Variants in ST8SIA4 observed in about 807,000 individuals in gnomAD.
ST8SIA4 encodes the protein CMP-N-acetylneuraminate-poly-alpha-2,8-sialyltransferase.
Under a neutral mutation model 33.9 loss-of-function variants are expected in ST8SIA4, and 15 were observed. The ratio of observed to expected loss-of-function variants is 0.44; its 90% CI spans 0.30 to 0.68. ST8SIA4 has a LOEUF of 0.68. Among genes scored for constraint, ST8SIA4 ranks in the 30% least tolerant of loss-of-function variants. The pLI is 0.10. For missense variants in ST8SIA4, 321 were observed against 428.0 expected, an observed-to-expected ratio of 0.75 and a Z score of 2.21; for synonymous variants, 171 against 151.2, an observed-to-expected ratio of 1.13 and a Z score of -0.96.
chr5:100,838,775 T>C (rs1751413864), intron 4 of ST8SIA4, among the ~76,000 whole-genome samples: 3 of 152,072 alleles, frequency 2.0e-5, no homozygotes, highest in Non-Finnish European at 2.9e-5. Flanking sequence ...GCTTAGAAGC[T>C]ATTCTCTGGC....
chr5:100,881,282 A>G (rs958901555), intron 3 of ST8SIA4, among the ~76,000 whole-genome samples: 16 of 152,190 alleles, frequency 1.1e-4, no homozygotes, highest in African/African-American at 3.6e-4. Flanking sequence ...GTATAGAGAT[A>G]AGTCTATTTT....
At position 100,885,389 on chromosome 5, in the gene ST8SIA4, CT is replaced by C. The variant is rs548566287; in HGVS notation, c.503+953del. 508 of 958,652 alleles carry C rather than the reference CT, an allele frequency of 5.3e-4. 3 individuals carry two copies. In the South Asian group the frequency reaches 0.011, roughly 20 times the overall value. 59.4% of individuals were successfully genotyped at this position (958,652 alleles called of 1,614,324 possible). ...AATGCTTGAGTGTGATTTCTCATGA[CT>C]TTTTTTTTAAAAGTAGTTACCTATT... On this transcript the variant is annotated intron_variant, in intron 3 of 4. Transcript: ENST00000231461.
intron 4 of ST8SIA4, among the ~76,000 whole-genome samples, chr5:100,855,791 C>G (rs992407793): frequency 6.6e-6 from 1 of 152,094 alleles, no homozygotes; most frequent in African/African-American, 2.4e-5. Flanking sequence ...AGTTTCCCTA[C>G]CCAAAGCTCA....
At chr5:100,854,695 TA>T (rs1486883812) in intron 4 of ST8SIA4, among the ~76,000 whole-genome samples, 1 of 152,214 alleles carries the variant, frequency 6.6e-6, no homozygotes, top group Non-Finnish European at 1.5e-5. Context: ...CAGGAAATGG[TA>T]AATCCTTGCA....
intron 3 of ST8SIA4, among the ~76,000 whole-genome samples, chr5:100,857,391 T>A (rs188867667): frequency 0.065 from 9,746 of 151,038 alleles, 465 homozygotes; most frequent in Admixed American, 0.17. Context: ...TTTTTTTTTT[T>A]AAAAAAACTA....
intron 3 of ST8SIA4, among the ~76,000 whole-genome samples, chr5:100,879,403 G>C (rs1015244896): frequency 6.6e-6 from 1 of 152,002 alleles, no homozygotes; most frequent in Admixed American, 6.6e-5. Context: ...TGAATTTGTA[G>C]AGCCCAATAT....
intron 4 of ST8SIA4, chr5:100,849,446 T>C: frequency 1.0e-6 from 1 of 985,288 alleles, no homozygotes; most frequent in Non-Finnish European, 1.2e-6. Flanking sequence ...ATCAAGAAAA[T>C]TTTCGCAGAA....
rs1446950490 is a variant in ST8SIA4, at chr5:100,903,065, A to G, written c.-110T>C. Reference sequence around the variant, plus strand: ...GGGGTGAAATCTGTAAAATGCGAGGAGAGCTTGGAGCCGGGATCCCGGGAT... The same window carrying G: ...GGGGTGAAATCTGTAAAATGCGAGGGGAGCTTGGAGCCGGGATCCCGGGAT... On this transcript the variant is annotated 5_prime_UTR_variant, in exon 1 of 5. Coordinates refer to ENST00000231461, the MANE Select transcript of ST8SIA4 (RefSeq NM_005668.6). The G allele has an allele frequency of 4.0e-6, 3 of 752,162 alleles. No homozygotes were observed. Among genetic ancestry groups the G allele is most frequent in the Admixed American group, 4.9e-5 (2 of 40,958 alleles). 46.6% of individuals were successfully genotyped at this position (752,162 alleles called of 1,614,324 possible).
chr5:100,848,635 AGT>A (rs997046040), intron 4 of ST8SIA4, among the ~76,000 whole-genome samples: 6 of 150,224 alleles, frequency 4.0e-5, no homozygotes, highest in Non-Finnish European at 8.9e-5. Flanking sequence ...AAGTCTGTAC[AGT>A]GTGTGTGTAT....
intron 4 of ST8SIA4, among the ~76,000 whole-genome samples, chr5:100,847,876 A>T (rs1373549110): frequency 6.6e-6 from 1 of 152,086 alleles, no homozygotes; most frequent in Non-Finnish European, 1.5e-5. Flanking sequence ...ATAAAATATC[A>T]ATGTTCTAGC....
intron 1 of ST8SIA4, among the ~76,000 whole-genome samples, chr5:100,901,492 C>A (rs919657664): frequency 1.3e-5 from 2 of 152,214 alleles, no homozygotes; most frequent in African/African-American, 4.8e-5. Context: ...GATGCCCACG[C>A]CCCTGCCCAA....
chr5:100,859,817 T>G (rs1287816156), intron 3 of ST8SIA4, among the ~76,000 whole-genome samples: 2 of 152,104 alleles, frequency 1.3e-5, no homozygotes, highest in Non-Finnish European at 2.9e-5. Flanking sequence ...GGATTGGCCA[T>G]TATTCTCTGC....
chr5:100,886,031 G>C, intron 3 of ST8SIA4: 1 of 1,075,242 alleles, frequency 9.3e-7, no homozygotes, highest in Non-Finnish European at 1.1e-6. Context: ...GTATGAAGAA[G>C]AGATACTAAG....
Position 100,887,572 on chromosome 5 carries a change from G to A in ST8SIA4, c.246-972C>T, listed in dbSNP as rs187570309. ...TAACAGATTGAGAGGCTACATGAACGTAAATATATGCATATGCTAAGTAGG... is the reference window on the plus strand; with the variant it reads ...TAACAGATTGAGAGGCTACATGAACATAAATATATGCATATGCTAAGTAGG... On this transcript the variant is annotated intron_variant, in intron 2 of 4. Coordinates refer to ENST00000231461, the MANE Select transcript of ST8SIA4 (RefSeq NM_005668.6). Among the ~76,000 whole-genome samples, 125 of 151,936 alleles carry A rather than the reference G, an allele frequency of 8.2e-4. 1 individual carries two copies. The highest frequency in any genetic ancestry group is 2.1e-3 in the African/African-American group (85 of 41,454).
chr5:100,871,469 G>A (rs1189754068), intron 3 of ST8SIA4, among the ~76,000 whole-genome samples: 1 of 151,866 alleles, frequency 6.6e-6, no homozygotes, highest in Non-Finnish European at 1.5e-5. Flanking sequence ...CTCAGATTTT[G>A]TAGACACTCC....
At chr5:100,837,553 A>G (rs2561526) in intron 4 of ST8SIA4, among the ~76,000 whole-genome samples, 136,028 of 151,998 alleles carry the variant, frequency 0.89, 61,746 homozygotes, top group Middle Eastern at 0.98. Context: ...GTTTATTCTG[A>G]TGTGCTAGAG....
At chr5:100,824,149 C>G (rs747534516) in intron 4 of ST8SIA4, among the ~76,000 whole-genome samples, 1 of 152,074 alleles carries the variant, frequency 6.6e-6, no homozygotes, top group Non-Finnish European at 1.5e-5. Context: ...AGTTGGTTTA[C>G]GAAGAAATGT....
chr5:100,830,732 T>C (rs531503331), intron 4 of ST8SIA4, among the ~76,000 whole-genome samples: 1 of 152,340 alleles, frequency 6.6e-6, no homozygotes, highest in South Asian at 2.1e-4. Flanking sequence ...GACAAAGATA[T>C]TATTTCAAAT....
chr5:100,830,024 ATTAT>A (rs1430497733), intron 4 of ST8SIA4, among the ~76,000 whole-genome samples: 2 of 152,218 alleles, frequency 1.3e-5, no homozygotes, highest in South Asian at 2.1e-4. Flanking sequence ...GTCTTTATTT[ATTAT>A]TTATGTTTCA....
Sources: gnomAD v4.1 joint callset for allele counts (sites outside exome capture counted in the v4.1 genomes callset) on GRCh38, gnomAD v4.1.1 for gene constraint, MANE v1.5 for transcripts, NCBI Gene and HGNC (gene_info 2026-07-23, HGNC 2026-07-21) for gene names.